UBAP2L: variants seen among roughly 807,000 people sequenced by gnomAD.
The protein encoded by UBAP2L is ubiquitin associated protein 2 like.
In UBAP2L, 12 loss-of-function variants were observed where a neutral mutation model predicts 130.6. The observed-to-expected ratio is 0.09, with a 90% confidence interval of 0.06 to 0.15. The LOEUF (loss-of-function observed/expected upper bound fraction) is 0.15. Ranked by LOEUF, UBAP2L falls within the 10% of genes least tolerant of loss-of-function variation. UBAP2L has a pLI of 1.00. For missense variants in UBAP2L, 965 were observed against 1,332.5 expected (o/e 0.72, Z 4.29); for synonymous variants, 503 against 524.7 (o/e 0.96, Z 0.57).
At chr1:154,250,708 G>A (rs1377998045) in intron 12 of UBAP2L, among the ~76,000 whole-genome samples, 1 of 151,980 alleles carries the variant, frequency 6.6e-6, no homozygotes, top group African/African-American at 2.4e-5. Context: ...ACAAAAATTA[G>A]CCAGGCATGG....
chr1:154,261,574 G>C lies in UBAP2L; in HGVS notation c.2797-18G>C, dbSNP rs763997508. ...TCTGCTGCCAAGTCACTGCAAATCTGGCCTTTTTGCTCTTTAGGTGGCTCC... is the reference window on the plus strand; with the variant it reads ...TCTGCTGCCAAGTCACTGCAAATCTCGCCTTTTTGCTCTTTAGGTGGCTCC... On this transcript the variant is annotated intron_variant, in intron 23 of 26. Transcript: ENST00000428931. 6.2e-6 allele frequency: 10 copies of C among 1,612,772 alleles called. No homozygotes were observed. The highest frequency in any genetic ancestry group is 1.7e-5 in the Admixed American group (1 of 59,994).
rs190333058 is a variant in UBAP2L, at chr1:154,236,629, A to T, written c.590+18A>T. 3.8e-5 allele frequency: 61 copies of T among 1,613,772 alleles called. No individual in the cohort carries two copies. In the East Asian group the frequency reaches 1.3e-3, roughly 35 times the overall value. ...GGAATGGGGTAAGTTTCATTGATCT[A>T]GTGTCTTAATTTTTTTTCCCTTAAA... On this transcript the variant is annotated intron_variant, in intron 7 of 26. Coordinates refer to ENST00000428931, the MANE Select transcript of UBAP2L (RefSeq NM_014847.4).
At chr1:154,266,433 C>T (rs1457962349) in intron 24 of UBAP2L, 68 bp from the exon 25 acceptor site, 1 of 1,515,480 alleles carries the variant, frequency 6.6e-7, no homozygotes, top group East Asian at 2.3e-5. Flanking sequence ...CAGATATCAC[C>T]TCATCTCAGG....
At chr1:154,223,275 G>A (rs1038333005) in intron 1 of UBAP2L, among the ~76,000 whole-genome samples, 1 of 152,144 alleles carries the variant, frequency 6.6e-6, no homozygotes, top group Non-Finnish European at 1.5e-5. Context: ...ATATGCAATA[G>A]TGTATAGCTA....
At chr1:154,237,272 T>C (rs536769864) in intron 8 of UBAP2L, 136 bp downstream of exon 8, 2 of 756,250 alleles carry the variant, frequency 2.6e-6, no homozygotes, top group South Asian at 3.4e-5. Flanking sequence ...GGCAGTTGTA[T>C]TACTGTGTGT....
rs565048011 is a variant in UBAP2L, at chr1:154,254,235, C to A, written c.1854+146C>A. The A allele has an allele frequency of 6.7e-6, 5 of 741,884 alleles. No homozygotes were observed. In the African/African-American group the frequency reaches 7.4e-5, roughly 11 times the overall value. 46.0% of individuals were successfully genotyped at this position (741,884 alleles called of 1,614,324 possible). A position where few individuals can be genotyped will look rare whatever the true frequency, so the allele number is the denominator to read the frequency against. On this transcript the variant is annotated intron_variant, in intron 15 of 26. Transcript: ENST00000428931. Reference sequence around the variant, plus strand: ...ATTTGAAAAAGGCACACATCTGTGGCTAGTGAATTAAAAGTTCTTATCAGC... The same window carrying A: ...ATTTGAAAAAGGCACACATCTGTGGATAGTGAATTAAAAGTTCTTATCAGC...
In UBAP2L at chr1:154,260,337, A is replaced by G. The variant is rs374272278; in HGVS notation, c.2578+308A>G. On this transcript the variant is annotated intron_variant, in intron 22 of 26. Transcript: ENST00000428931. ...AGCCTGGGCAACATAGCAAGACCCCATCTCCAAAAAAAGTGATATCTTGAC... is the reference window on the plus strand; with the variant it reads ...AGCCTGGGCAACATAGCAAGACCCCGTCTCCAAAAAAAGTGATATCTTGAC... 6.6e-5 allele frequency among the ~76,000 whole-genome samples: 10 copies of G among 152,324 alleles called. No individual in the cohort carries two copies. The East Asian group carries it at 1.9e-3, about 29-fold the overall frequency.
At chr1:154,266,293 C>T (rs908898364) in intron 24 of UBAP2L, among the ~76,000 whole-genome samples, 2 of 152,186 alleles carry the variant, frequency 1.3e-5, no homozygotes, top group Non-Finnish European at 2.9e-5. Context: ...CACGTATACT[C>T]AACACGTACC....
At chr1:154,241,088 T>A (rs1006502326) in intron 8 of UBAP2L, among the ~76,000 whole-genome samples, 1 of 152,028 alleles carries the variant, frequency 6.6e-6, no homozygotes, top group Non-Finnish European at 1.5e-5. Flanking sequence ...TTTGTTTTGT[T>A]TTTTGTTTTT....
At chr1:154,234,917 G>T in intron 5 of UBAP2L, 158 bp downstream of exon 5, 1 of 993,658 alleles carries the variant, frequency 1.0e-6, no homozygotes, top group Non-Finnish European at 1.5e-6. Context: ...TCTTGCATGT[G>T]GCCTTTTCTA....
At chr1:154,250,201 G>A (rs764335812) in intron 12 of UBAP2L, among the ~76,000 whole-genome samples, 4 of 152,142 alleles carry the variant, frequency 2.6e-5, no homozygotes, top group Admixed American at 6.5e-5. Context: ...TGGGACCACA[G>A]GCTTGTACCA....
At chr1:154,224,488 AC>A (rs1020300392) in intron 1 of UBAP2L, among the ~76,000 whole-genome samples, 2 of 151,870 alleles carry the variant, frequency 1.3e-5, no homozygotes, top group African/African-American at 4.8e-5. Context: ...AAAACAAAAA[AC>A]CCCCACAAAC....
chr1:154,255,450 C>T, intron 17 of UBAP2L, 124 bp downstream of exon 17: 1 of 1,329,344 alleles, frequency 7.5e-7, no homozygotes. Context: ...AGTGGGTGAC[C>T]TAAGAACTGT....
At chr1:154,243,720 C>G (rs1374328742) in intron 10 of UBAP2L, among the ~76,000 whole-genome samples, 1 of 152,024 alleles carries the variant, frequency 6.6e-6, no homozygotes, top group East Asian at 1.9e-4. Flanking sequence ...CTCTGCCTCC[C>G]GAAGTGCTGG....
intron 11 of UBAP2L, among the ~76,000 whole-genome samples, chr1:154,247,184 C>T (rs1247076898): frequency 6.6e-6 from 1 of 152,040 alleles, no homozygotes; most frequent in African/African-American, 2.4e-5. Context: ...TTTTATTTTT[C>T]CAGTTAGAGT....
intron 11 of UBAP2L, among the ~76,000 whole-genome samples, chr1:154,247,007 A>ACT (rs1675754097): frequency 6.6e-6 from 1 of 152,210 alleles, no homozygotes; most frequent in African/African-American, 2.4e-5. Context: ...AAGGTCATTA[A>ACT]CGACATCAAA....
chr1:154,230,406 T>C (rs1447716000), intron 4 of UBAP2L, among the ~76,000 whole-genome samples: 4 of 152,352 alleles, frequency 2.6e-5, no homozygotes, highest in South Asian at 4.1e-4. Flanking sequence ...TGGAAAACTT[T>C]TAAAAACAAT....
chr1:154,257,617 C>G, intron 20 of UBAP2L, 183 bp downstream of exon 20: 1 of 640,466 alleles, frequency 1.6e-6, no homozygotes, highest in Non-Finnish European at 2.6e-6. Flanking sequence ...TATTTTTGAT[C>G]TGTGTGTCTG....
intron 25 of UBAP2L, 35 bp downstream of exon 25, chr1:154,266,603 GATAGAC>G (rs779273522): frequency 2.3e-5 from 37 of 1,600,944 alleles, no homozygotes; most frequent in Non-Finnish European, 2.9e-5. Flanking sequence ...GTGGAAAAGA[GATAGAC>G]ATAGAGGAGG....
Sources: allele counts gnomAD v4.1 joint callset (sites outside exome capture counted in the v4.1 genomes callset), GRCh38; gene constraint gnomAD v4.1.1; transcripts MANE v1.5; gene names NCBI Gene and HGNC (gene_info 2026-07-23, HGNC 2026-07-21).